Variants in ELOVL6 observed in about 807,000 individuals in gnomAD.
The protein encoded by ELOVL6 is very long chain fatty acid elongase 6.
ELOVL6 carries 8 observed loss-of-function variants against 31.7 expected under a neutral mutation model. The observed-to-expected ratio is 0.25, with a 90% CI of 0.15 to 0.45. ELOVL6 has a LOEUF of 0.45. ELOVL6 is among the 20% of genes least tolerant of loss of function. The pLI is 1.00. For synonymous variants in ELOVL6, 101 were observed against 117.7 expected, an observed-to-expected ratio of 0.86 and a Z score of 0.92; for missense variants, 126 against 326.4, an observed-to-expected ratio of 0.39 and a Z score of 4.73.
intron 1 of ELOVL6, among the ~76,000 whole-genome samples, chr4:110,186,381 C>A (rs1254960789): frequency 3.3e-5 from 5 of 152,100 alleles, no homozygotes; most frequent in African/African-American, 1.2e-4. Context: ...GGCCCCCACA[C>A]AACGTAAAAA....
chr4:110,149,248 C>G (rs1268666194), intron 1 of ELOVL6, among the ~76,000 whole-genome samples: 1 of 152,168 alleles, frequency 6.6e-6, no homozygotes. Context: ...AAAAATACGA[C>G]TAACCTTTGA....
chr4:110,088,692 G>T lies in ELOVL6; in HGVS notation c.221+16805C>A, dbSNP rs573525137. 2.0e-5 allele frequency among the ~76,000 whole-genome samples: 3 copies of T among 152,208 alleles called. No homozygotes were observed. The East Asian group carries it at 5.8e-4, about 29-fold the overall frequency. ...AGTAGCCAGCATCACTATTGCACTT[G>T]CAGGTCATATTAAGTAAAATAAGAG... On this transcript the variant is annotated intron_variant, in intron 2 of 3. Coordinates refer to ENST00000302274, the MANE Select transcript of ELOVL6 (RefSeq NM_024090.3).
At chr4:110,180,390 G>GTATATATT (rs1553962845) in intron 1 of ELOVL6, among the ~76,000 whole-genome samples, 14 of 151,546 alleles carry the variant, frequency 9.2e-5, no homozygotes, top group African/African-American at 3.4e-4. Flanking sequence ...ATGTATGTAT[G>GTATATATT]TATTTATAGG....
chr4:110,073,381 A>T (rs1170511484), intron 2 of ELOVL6, among the ~76,000 whole-genome samples: 1 of 152,144 alleles, frequency 6.6e-6, no homozygotes, highest in African/African-American at 2.4e-5. Flanking sequence ...AATTATCTTA[A>T]GTGTCTTTGG....
intron 1 of ELOVL6, among the ~76,000 whole-genome samples, chr4:110,196,518 G>A (rs938649154): frequency 6.6e-6 from 1 of 152,222 alleles, no homozygotes; most frequent in Non-Finnish European, 1.5e-5. Flanking sequence ...GGCCTCGGCT[G>A]CCCCGAAACG....
chr4:110,068,912 G>A (rs993766977), intron 2 of ELOVL6, among the ~76,000 whole-genome samples: 1 of 152,122 alleles, frequency 6.6e-6, no homozygotes, highest in Non-Finnish European at 1.5e-5. Flanking sequence ...GAAGACCCAG[G>A]CAGGAGGATT....
chr4:110,122,160 A>G (rs1757375100), intron 1 of ELOVL6, among the ~76,000 whole-genome samples: 1 of 152,220 alleles, frequency 6.6e-6, no homozygotes, highest in African/African-American at 2.4e-5. Context: ...TCTGATATAG[A>G]AAAACTGTTG....
At chr4:110,086,838 C>A (rs924800628) in intron 2 of ELOVL6, among the ~76,000 whole-genome samples, 4 of 152,220 alleles carry the variant, frequency 2.6e-5, no homozygotes, top group South Asian at 2.1e-4. Flanking sequence ...CCTCCCTATG[C>A]GACATTTATT....
At chr4:110,116,666 G>C (rs1403563371) in intron 1 of ELOVL6, among the ~76,000 whole-genome samples, 1 of 152,118 alleles carries the variant, frequency 6.6e-6, no homozygotes, top group Non-Finnish European at 1.5e-5. Flanking sequence ...AAGGTTACTT[G>C]GTTTGTAACC....
chr4:110,178,692 A>G (rs1241828399), intron 1 of ELOVL6, among the ~76,000 whole-genome samples: 2 of 152,176 alleles, frequency 1.3e-5, no homozygotes, highest in Admixed American at 1.3e-4. Flanking sequence ...CGTCTCTACA[A>G]ATAATCAAAA....
Position 110,084,134 on chromosome 4 carries a change from A to ATATATGATATATAACATATAT in ELOVL6, c.221+21362_221+21363insATATATGTTATATATCATATA, listed in dbSNP as rs1372065552. On this transcript the variant is annotated intron_variant, in intron 2 of 3. Transcript: ENST00000302274. ...ATGATATATATAACATATATGTGAT[A>ATATATGATATATAACATATAT]ATGATATATATGATATATATAACAT... 9.4e-4 allele frequency among the ~76,000 whole-genome samples: 43 copies of ATATATGATATATAACATATAT among 45,940 alleles called. 5 individuals carry two copies. Among genetic ancestry groups the ATATATGATATATAACATATAT allele is most frequent in the African/African-American group, 6.8e-3 (37 of 5,422 alleles). 30.1% of individuals were successfully genotyped at this position (45,940 alleles called of 152,430 possible).
chr4:110,074,294 T>G (rs566679099), intron 2 of ELOVL6, among the ~76,000 whole-genome samples: 1 of 152,238 alleles, frequency 6.6e-6, no homozygotes. Flanking sequence ...ATAGTTGTTA[T>G]ACAGTATTTT....
chr4:110,061,863 G>A (rs1160157388), intron 2 of ELOVL6, among the ~76,000 whole-genome samples: 1 of 152,096 alleles, frequency 6.6e-6, no homozygotes, highest in Admixed American at 6.5e-5. Flanking sequence ...TCTACTTGCT[G>A]TTAGACTATG....
chr4:110,089,446 T>C (rs1756358504), intron 2 of ELOVL6, among the ~76,000 whole-genome samples: 5 of 152,182 alleles, frequency 3.3e-5, no homozygotes, highest in African/African-American at 9.6e-5. Flanking sequence ...GTGCAAATTT[T>C]AGTATCCTGG....
At chr4:110,077,855 AAAGG>A (rs1755695188) in intron 2 of ELOVL6, among the ~76,000 whole-genome samples, 1 of 152,212 alleles carries the variant, frequency 6.6e-6, no homozygotes, top group South Asian at 2.1e-4. Context: ...AAATTAGACG[AAAGG>A]CTAACTAGAA....
intron 2 of ELOVL6, among the ~76,000 whole-genome samples, chr4:110,094,162 T>C (rs1284637206): frequency 6.6e-6 from 1 of 151,124 alleles, no homozygotes; most frequent in East Asian, 1.9e-4. Context: ...GGCAGGAGAA[T>C]TGCTTGAACC....
intron 1 of ELOVL6, among the ~76,000 whole-genome samples, chr4:110,132,328 G>T (rs886806942): frequency 6.6e-6 from 1 of 152,182 alleles, no homozygotes; most frequent in African/African-American, 2.4e-5. Context: ...TGCTTAAGGT[G>T]GTAGAAGCAG....
chr4:110,108,146 A>T (rs954412642), intron 1 of ELOVL6, among the ~76,000 whole-genome samples: 1 of 152,192 alleles, frequency 6.6e-6, no homozygotes, highest in Non-Finnish European at 1.5e-5. Flanking sequence ...TGAGCCTGGG[A>T]AGCTTTCATC....
intron 1 of ELOVL6, among the ~76,000 whole-genome samples, chr4:110,124,849 C>T (rs1253970613): frequency 1.3e-5 from 2 of 152,158 alleles, no homozygotes; most frequent in Admixed American, 6.6e-5. Context: ...TCTACAAGCA[C>T]ATTAATTCTG....
Sources: allele counts gnomAD v4.1 joint callset (sites outside exome capture counted in the v4.1 genomes callset), GRCh38; gene constraint gnomAD v4.1.1; transcripts MANE v1.5; gene names NCBI Gene and HGNC (gene_info 2026-07-23, HGNC 2026-07-21).